MINDY3: variants seen among roughly 807,000 people sequenced by gnomAD.
MINDY3 encodes the protein MINDY lysine 48 deubiquitinase 3, also known as ubiquitin carboxyl-terminal hydrolase MINDY-3.
Under a neutral mutation model 69.2 loss-of-function variants are expected in MINDY3, and 38 were observed. The ratio of observed to expected loss-of-function variants is 0.55; its 90% CI spans 0.42 to 0.72. The LOEUF (loss-of-function observed/expected upper bound fraction) is 0.72. Among genes scored for constraint, MINDY3 ranks in the 30% least tolerant of loss-of-function variants. MINDY3 has a pLI of 0.00. For missense variants in MINDY3, 522 were observed against 519.0 expected (o/e 1.01, Z -0.06); for synonymous variants, 192 against 180.1 (o/e 1.07, Z -0.53).
chr10:15,804,054 T>TA (rs1838454917), intron 10 of MINDY3, among the ~76,000 whole-genome samples: 1 of 152,290 alleles, frequency 6.6e-6, no homozygotes, highest in South Asian at 2.1e-4. Flanking sequence ...AGCTCTGATT[T>TA]ACCATCAAAA....
intron 10 of MINDY3, among the ~76,000 whole-genome samples, chr10:15,799,866 G>C (rs1838131349): frequency 6.6e-6 from 1 of 152,152 alleles, no homozygotes; most frequent in African/African-American, 2.4e-5. Context: ...AACACTCACT[G>C]TTAGCTAACT....
intron 8 of MINDY3, among the ~76,000 whole-genome samples, chr10:15,828,571 C>A (rs1194124024): frequency 5.3e-5 from 7 of 131,738 alleles, no homozygotes; most frequent in Admixed American, 5.2e-4. Context: ...CTCAATAAAG[C>A]TATAAGTAAA....
Position 15,837,305 on chromosome 10 carries a change from T to C in MINDY3, c.475A>G (p.Arg159Gly), listed in dbSNP as rs1254148484. The C allele has an allele frequency of 3.8e-6, 6 of 1,597,350 alleles. No individual in the cohort carries two copies. In the South Asian group the frequency reaches 6.8e-5, roughly 18 times the overall value. ...GCATCTTTTAATTCTGGTAAACTTCTGAACGATCTTTTTCTGGGGGAAAAA... is the reference window on the plus strand; with the variant it reads ...GCATCTTTTAATTCTGGTAAACTTCCGAACGATCTTTTTCTGGGGGAAAAA... ...FHALIQKRSF[R>G]SLPELKDAVL... Residue 159 changes from arginine (R) to glycine (G), a missense_variant, in exon 6 of 15, where the codon AGA becomes GGA. Coordinates refer to ENST00000277632, the MANE Select transcript of MINDY3 (RefSeq NM_024948.4).
At chr10:15,811,417 C>T (rs1838990191) in intron 10 of MINDY3, among the ~76,000 whole-genome samples, 2 of 152,112 alleles carry the variant, frequency 1.3e-5, no homozygotes, top group African/African-American at 4.8e-5. Flanking sequence ...CCAAAGCCAT[C>T]AACCACTTGC....
intron 10 of MINDY3, among the ~76,000 whole-genome samples, chr10:15,797,854 C>A (rs555610607): frequency 3.9e-5 from 6 of 152,118 alleles, no homozygotes; most frequent in Admixed American, 6.6e-5. Flanking sequence ...ACCTTAGTTG[C>A]AGATTTCTAC....
At chr10:15,816,191 A>G (rs530826428) in intron 10 of MINDY3, among the ~76,000 whole-genome samples, 1 of 147,966 alleles carries the variant, frequency 6.8e-6, no homozygotes, top group South Asian at 2.1e-4. Context: ...AACCCAGGAG[A>G]CGTAGGTTGC....
intron 8 of MINDY3, among the ~76,000 whole-genome samples, chr10:15,826,890 T>C (rs975316763): frequency 7.2e-5 from 11 of 151,882 alleles, no homozygotes; most frequent in Admixed American, 2.0e-4. Flanking sequence ...AAAATCCAGA[T>C]AGACTAAAGA....
At chr10:15,807,362 A>G (rs192689428) in intron 10 of MINDY3, among the ~76,000 whole-genome samples, 39 of 152,296 alleles carry the variant, frequency 2.6e-4, no homozygotes, top group African/African-American at 9.1e-4. Context: ...AGCGGACACA[A>G]TACGAATGGT....
intron 11 of MINDY3, 133 bp from the exon 12 acceptor site, chr10:15,789,452 AT>A: frequency 1.6e-6 from 1 of 608,390 alleles, no homozygotes; most frequent in Non-Finnish European, 2.9e-6. Flanking sequence ...CCTTAAGTTT[AT>A]TTTAGGCATA....
At chr10:15,851,726 C>T (rs937490339) in intron 1 of MINDY3, among the ~76,000 whole-genome samples, 1 of 151,980 alleles carries the variant, frequency 6.6e-6, no homozygotes, top group African/African-American at 2.4e-5. Flanking sequence ...CTGTCCAGTC[C>T]CCAACTATTC....
intron 8 of MINDY3, among the ~76,000 whole-genome samples, chr10:15,827,364 A>C (rs147201269): frequency 0.015 from 2,267 of 151,982 alleles, 45 homozygotes; most frequent in African/African-American, 0.049. Flanking sequence ...TAACATGGTA[A>C]AATCCCGTCT....
At chr10:15,815,010 GTCA>G (rs1839259215) in intron 10 of MINDY3, among the ~76,000 whole-genome samples, 1 of 152,060 alleles carries the variant, frequency 6.6e-6, no homozygotes. Flanking sequence ...TTAAAATATT[GTCA>G]TCTTTTATAT....
intron 11 of MINDY3, among the ~76,000 whole-genome samples, chr10:15,794,838 T>A (rs150417041): frequency 6.6e-6 from 1 of 152,178 alleles, no homozygotes; most frequent in Non-Finnish European, 1.5e-5. Context: ...CTTTGCAGCA[T>A]TGATGAAATT....
At chr10:15,784,484 C>T (rs533995045) in intron 13 of MINDY3, among the ~76,000 whole-genome samples, 1 of 152,146 alleles carries the variant, frequency 6.6e-6, no homozygotes, top group Non-Finnish European at 1.5e-5. Flanking sequence ...GTGGCTCATA[C>T]CTGTAATCCC....
chr10:15,811,727 GA>G (rs779925058), intron 10 of MINDY3, among the ~76,000 whole-genome samples: 1 of 151,388 alleles, frequency 6.6e-6, no homozygotes, highest in African/African-American at 2.4e-5. Flanking sequence ...TTTGCTTCAG[GA>G]AAAAAAATAA....
chr10:15,787,140 CA>C (rs1837032124), intron 12 of MINDY3, among the ~76,000 whole-genome samples: 1 of 152,106 alleles, frequency 6.6e-6, no homozygotes, highest in Admixed American at 6.6e-5. Flanking sequence ...GCTTAAAATT[CA>C]TAGACAATGT....
At chr10:15,800,688 C>T (rs1008887975) in intron 10 of MINDY3, among the ~76,000 whole-genome samples, 8 of 152,092 alleles carry the variant, frequency 5.3e-5, no homozygotes, top group African/African-American at 1.7e-4. Flanking sequence ...AGTGGAATTG[C>T]TTGATATGCA....
intron 2 of MINDY3, 119 bp from the exon 3 acceptor site, chr10:15,843,391 T>C (rs1232663226): frequency 6.3e-6 from 5 of 789,410 alleles, no homozygotes; most frequent in Non-Finnish European, 6.5e-6. Context: ...TGACTAGTTC[T>C]GTAAAGATGT....
chr10:15,780,592 A>C (rs967985444), intron 14 of MINDY3, among the ~76,000 whole-genome samples: 1 of 152,308 alleles, frequency 6.6e-6, no homozygotes, highest in Admixed American at 6.5e-5. Context: ...CTCAGACTCC[A>C]TCTCACTTTG....
Sources: allele counts gnomAD v4.1 joint callset (sites outside exome capture counted in the v4.1 genomes callset), GRCh38; gene constraint gnomAD v4.1.1; transcripts MANE v1.5; gene names NCBI Gene and HGNC (gene_info 2026-07-23, HGNC 2026-07-21).